CLNK: variants seen among roughly 807,000 people sequenced by gnomAD.
CLNK encodes the protein cytokine dependent hematopoietic cell linker.
Under a neutral mutation model 68.6 loss-of-function variants are expected in CLNK, and 74 were observed. That is an observed-to-expected ratio of 1.08 (90% CI 0.89 to 1.31). The LOEUF (loss-of-function observed/expected upper bound fraction) is 1.31, where lower values mean the gene tolerates loss of function less well. Ranked by LOEUF, CLNK falls within the 50% of genes most tolerant of loss-of-function variation. The pLI, the probability that CLNK is intolerant of heterozygous loss-of-function variation, is 0.00. For synonymous variants in CLNK, 198 were observed against 172.2 expected (o/e 1.15, Z -1.17); for missense variants, 553 against 515.3 (o/e 1.07, Z -0.71).
At chr4:10,671,906 C>T (rs1724658680) in intron 1 of CLNK, among the ~76,000 whole-genome samples, 1 of 152,176 alleles carries the variant, frequency 6.6e-6, no homozygotes, top group South Asian at 2.1e-4. Context: ...TTGCCCTCAC[C>T]TGAACTAAAG....
At chr4:10,724,068 G>A in the CLNK span, among the ~76,000 whole-genome samples, 2 of 152,260 alleles carry the variant, frequency 1.3e-5, no homozygotes, top group East Asian at 1.9e-4. Context: ...AAGAGTCGAC[G>A]GGGTTGGGGG....
the CLNK span, among the ~76,000 whole-genome samples, chr4:10,691,365 GATA>G: frequency 8.5e-3 from 1,298 of 152,254 alleles, 27 homozygotes; most frequent in African/African-American, 0.03. Context: ...CTGAAATGAT[GATA>G]GTCTAATCCT....
chr4:10,553,106 G>GA (rs1719526937), intron 8 of CLNK, among the ~76,000 whole-genome samples: 1 of 152,102 alleles, frequency 6.6e-6, no homozygotes, highest in Non-Finnish European at 1.5e-5. Flanking sequence ...CTGTAGATGT[G>GA]GCTTTCATAG....
chr4:10,602,514 T>A (rs1487875110), intron 2 of CLNK, among the ~76,000 whole-genome samples: 2 of 152,204 alleles, frequency 1.3e-5, no homozygotes, highest in African/African-American at 4.8e-5. Context: ...TTGTCACAAA[T>A]CAAGGAACAC....
chr4:10,597,567 A>G (rs1293549249), intron 3 of CLNK, among the ~76,000 whole-genome samples: 1 of 152,228 alleles, frequency 6.6e-6, no homozygotes, highest in Admixed American at 6.5e-5. Flanking sequence ...CAAAGGAAAT[A>G]ACAGTGTAAG....
At chr4:10,720,975 C>A in the CLNK span, among the ~76,000 whole-genome samples, 1 of 152,046 alleles carries the variant, frequency 6.6e-6, no homozygotes, top group Non-Finnish European at 1.5e-5. Flanking sequence ...TCATCACATA[C>A]TACTCAACAA....
At chr4:10,606,247 C>CA (rs1316373447) in intron 2 of CLNK, among the ~76,000 whole-genome samples, 1 of 152,150 alleles carries the variant, frequency 6.6e-6, no homozygotes, top group South Asian at 2.1e-4. Context: ...CAGTAACACA[C>CA]ACCTTAGCCT....
At chr4:10,576,511 A>T (rs760365015) in intron 4 of CLNK, among the ~76,000 whole-genome samples, 1 of 152,214 alleles carries the variant, frequency 6.6e-6, no homozygotes, top group Non-Finnish European at 1.5e-5. Context: ...GAAGATGGAT[A>T]TACGCAGTGT....
At chr4:10,582,588 G>T (rs1720822647) in intron 4 of CLNK, among the ~76,000 whole-genome samples, 2 of 152,176 alleles carry the variant, frequency 1.3e-5, no homozygotes, top group East Asian at 3.9e-4. Context: ...GGAAAGCATT[G>T]CACTGTTCTC....
Position 10,566,114 on chromosome 4 carries a change from C to CT in CLNK, c.186dup (p.Gly63ArgfsTer4). On this transcript the variant is annotated frameshift_variant, in exon 6 of 19. Transcript: ENST00000226951. LOFTEE classifies it high-confidence loss of function. ...TCATCATAGTCATCATCACTGTGGC[C>CT]TTTTGCTCCATCCAGGACTGCAGCA... 6.2e-7 allele frequency: 1 copy of CT among 1,613,880 alleles called. No individual in the cohort carries two copies. Among genetic ancestry groups the CT allele is most frequent in the South Asian group, 1.1e-5 (1 of 91,060 alleles).
At chr4:10,538,670 T>G (rs1718897641) in intron 11 of CLNK, among the ~76,000 whole-genome samples, 1 of 152,210 alleles carries the variant, frequency 6.6e-6, no homozygotes, top group South Asian at 2.1e-4. Context: ...TAGGTTCCTT[T>G]GAAAGCTGCA....
chr4:10,696,488 C>T, the CLNK span, among the ~76,000 whole-genome samples: 26 of 152,150 alleles, frequency 1.7e-4, no homozygotes, highest in Non-Finnish European at 3.5e-4. Context: ...AACCACACGG[C>T]AGTCTAGGGG....
chr4:10,666,550 C>A (rs1724401306), intron 2 of CLNK, among the ~76,000 whole-genome samples: 1 of 152,202 alleles, frequency 6.6e-6, no homozygotes, highest in Non-Finnish European at 1.5e-5. Flanking sequence ...ACTTGAATTC[C>A]AGCTCCATCT....
chr4:10,594,491 G>A (rs903719821), intron 3 of CLNK, among the ~76,000 whole-genome samples: 2 of 152,204 alleles, frequency 1.3e-5, no homozygotes, highest in African/African-American at 4.8e-5. Flanking sequence ...GCTCCAGCAC[G>A]TGTCCTTCTG....
chr4:10,496,625 A>G (rs1716819500), intron 18 of CLNK, among the ~76,000 whole-genome samples: 1 of 152,154 alleles, frequency 6.6e-6, no homozygotes, highest in African/African-American at 2.4e-5. Flanking sequence ...GATTGCTTGT[A>G]TTTGCCATGG....
the CLNK span, among the ~76,000 whole-genome samples, chr4:10,709,071 C>T: frequency 6.6e-6 from 1 of 152,118 alleles, no homozygotes; most frequent in Non-Finnish European, 1.5e-5. Flanking sequence ...TTAATAAAAG[C>T]TTCATATTAA....
At chr4:10,698,486 G>A in the CLNK span, among the ~76,000 whole-genome samples, 1 of 152,120 alleles carries the variant, frequency 6.6e-6, no homozygotes, top group Non-Finnish European at 1.5e-5. Context: ...ATATAAAACA[G>A]GTTTGTTCAT....
chr4:10,567,179 T>A (rs1285472630), intron 5 of CLNK, among the ~76,000 whole-genome samples: 1 of 150,124 alleles, frequency 6.7e-6, no homozygotes, highest in Non-Finnish European at 1.5e-5. Flanking sequence ...AACACTTATT[T>A]CAAAAGTTAC....
chr4:10,617,790 C>G (rs1031490873), intron 2 of CLNK, among the ~76,000 whole-genome samples: 1 of 152,214 alleles, frequency 6.6e-6, no homozygotes, highest in African/African-American at 2.4e-5. Flanking sequence ...GTGGTTCCAA[C>G]TCTGCGCTTT....
Sources: allele counts gnomAD v4.1 joint callset (sites outside exome capture counted in the v4.1 genomes callset), GRCh38; gene constraint gnomAD v4.1.1; transcripts MANE v1.5; gene names NCBI Gene and HGNC (gene_info 2026-07-23, HGNC 2026-07-21).